Variants in NKAIN2 observed in about 807,000 individuals in gnomAD.
NKAIN2 encodes the protein sodium/potassium transporting ATPase interacting 2.
NKAIN2 carries 14 observed loss-of-function variants against 32.6 expected under a neutral mutation model. The ratio of observed to expected loss-of-function variants is 0.43; its 90% CI spans 0.28 to 0.67. The LOEUF (loss-of-function observed/expected upper bound fraction) is 0.67. NKAIN2 is among the 30% of genes least tolerant of loss of function. The pLI is 0.17. For missense variants in NKAIN2, 198 were observed against 258.3 expected (o/e 0.77, Z 1.60); for synonymous variants, 80 against 87.2 (o/e 0.92, Z 0.46).
chr6:124,795,363 C>A (rs1779952690), intron 5 of NKAIN2, among the ~76,000 whole-genome samples: 1 of 152,122 alleles, frequency 6.6e-6, no homozygotes, highest in Admixed American at 6.5e-5. Context: ...GCAGAAACCT[C>A]CAGGAAGCAA....
chr6:124,815,555 C>T (rs1200589990), intron 5 of NKAIN2, among the ~76,000 whole-genome samples: 1 of 151,914 alleles, frequency 6.6e-6, no homozygotes, highest in Non-Finnish European at 1.5e-5. Flanking sequence ...CAGGCGTGAG[C>T]CACGGCACCC....
chr6:123,958,286 G>A (rs1263148909), intron 1 of NKAIN2, among the ~76,000 whole-genome samples: 1 of 152,142 alleles, frequency 6.6e-6, no homozygotes, highest in Admixed American at 6.6e-5. Flanking sequence ...AAAAGAAACA[G>A]GTTTACCAAA....
At chr6:123,935,111 T>A (rs1776437757) in intron 1 of NKAIN2, among the ~76,000 whole-genome samples, 1 of 147,434 alleles carries the variant, frequency 6.8e-6, no homozygotes, top group African/African-American at 2.5e-5. Context: ...ATATATATAT[T>A]GAAATAAATA....
At chr6:124,521,712 C>A (rs1220459627) in intron 3 of NKAIN2, among the ~76,000 whole-genome samples, 5 of 152,098 alleles carry the variant, frequency 3.3e-5, no homozygotes, top group African/African-American at 1.2e-4. Context: ...ACTCTTATAA[C>A]CCTGAAATCA....
At chr6:124,083,457 A>G (rs1438855132) in intron 1 of NKAIN2, among the ~76,000 whole-genome samples, 2 of 151,874 alleles carry the variant, frequency 1.3e-5, no homozygotes, top group Admixed American at 1.3e-4. Flanking sequence ...TTGTTGCAGG[A>G]TAATAATGGC....
At chr6:124,004,016 C>T (rs1779976663) in intron 1 of NKAIN2, among the ~76,000 whole-genome samples, 1 of 152,182 alleles carries the variant, frequency 6.6e-6, no homozygotes, top group African/African-American at 2.4e-5. Flanking sequence ...TTTTTGTGTG[C>T]ATGTTCCATA....
intron 3 of NKAIN2, among the ~76,000 whole-genome samples, chr6:124,371,837 T>C (rs1213623174): frequency 6.6e-6 from 1 of 152,154 alleles, no homozygotes; most frequent in Non-Finnish European, 1.5e-5. Context: ...TTTCCAAGTT[T>C]ATATCACTTC....
chr6:124,553,559 G>A (rs1182253700), intron 3 of NKAIN2, among the ~76,000 whole-genome samples: 1 of 151,970 alleles, frequency 6.6e-6, no homozygotes, highest in African/African-American at 2.4e-5. Context: ...CACCTGCCTC[G>A]ACCTCCCAAA....
chr6:123,984,639 A>G (rs1779050113), intron 1 of NKAIN2, among the ~76,000 whole-genome samples: 1 of 152,192 alleles, frequency 6.6e-6, no homozygotes, highest in Non-Finnish European at 1.5e-5. Context: ...TATTAAGTTC[A>G]TGATAAGCAA....
intron 4 of NKAIN2, among the ~76,000 whole-genome samples, chr6:124,773,372 CT>C (rs1562375541): frequency 6.6e-6 from 1 of 151,994 alleles, no homozygotes; most frequent in Non-Finnish European, 1.5e-5. Flanking sequence ...ATTTGCATTT[CT>C]TTTTTCCTGC....
intron 3 of NKAIN2, among the ~76,000 whole-genome samples, chr6:124,625,474 T>G (rs1783283719): frequency 6.6e-6 from 1 of 152,152 alleles, no homozygotes; most frequent in African/African-American, 2.4e-5. Flanking sequence ...CATAGTCCTT[T>G]GTTTCATTTT....
intron 1 of NKAIN2, among the ~76,000 whole-genome samples, chr6:124,278,740 T>C (rs1795159512): frequency 7.1e-6 from 1 of 141,192 alleles, no homozygotes; most frequent in Admixed American, 7.3e-5. Context: ...CACAAAGAAT[T>C]AATAAAACCT....
chr6:124,707,794 C>T (rs1418041285), intron 4 of NKAIN2, among the ~76,000 whole-genome samples: 3 of 152,030 alleles, frequency 2.0e-5, no homozygotes, highest in South Asian at 4.2e-4. Flanking sequence ...TGTAGGTTGC[C>T]TGTTCACTCT....
chr6:124,754,381 T>C (rs1777864134), intron 4 of NKAIN2, among the ~76,000 whole-genome samples: 1 of 152,100 alleles, frequency 6.6e-6, no homozygotes, highest in Non-Finnish European at 1.5e-5. Flanking sequence ...TTCTATCTGC[T>C]GGTCGTTGAG....
At chr6:123,900,809 T>A (rs1477362297) in intron 1 of NKAIN2, among the ~76,000 whole-genome samples, 1 of 152,040 alleles carries the variant, frequency 6.6e-6, no homozygotes, top group Non-Finnish European at 1.5e-5. Context: ...CTAAAACAAA[T>A]CTTAATCAGT....
intron 4 of NKAIN2, among the ~76,000 whole-genome samples, chr6:124,769,516 T>C (rs1162316895): frequency 1.3e-5 from 2 of 152,154 alleles, no homozygotes; most frequent in Admixed American, 1.3e-4. Flanking sequence ...CTTTTATTCA[T>C]CTGTAGAGTG....
intron 3 of NKAIN2, among the ~76,000 whole-genome samples, chr6:124,556,197 T>A (rs1277118206): frequency 1.3e-5 from 2 of 152,182 alleles, no homozygotes; most frequent in East Asian, 3.9e-4. Context: ...ACTGTATAAT[T>A]TTTCCTATTT....
At chr6:124,193,268 C>G (rs1790123949) in intron 1 of NKAIN2, among the ~76,000 whole-genome samples, 1 of 152,202 alleles carries the variant, frequency 6.6e-6, no homozygotes, top group Non-Finnish European at 1.5e-5. Flanking sequence ...CAGCCGGGAT[C>G]TCATGCCTGC....
At chr6:124,598,986 T>G (rs943641737) in intron 3 of NKAIN2, among the ~76,000 whole-genome samples, 4 of 151,478 alleles carry the variant, frequency 2.6e-5, no homozygotes, top group Non-Finnish European at 5.9e-5. Flanking sequence ...TTCCAATTCA[T>G]AGACCAGTAA....
Sources: gnomAD v4.1 joint callset for allele counts (sites outside exome capture counted in the v4.1 genomes callset) on GRCh38, gnomAD v4.1.1 for gene constraint, MANE v1.5 for transcripts, NCBI Gene and HGNC (gene_info 2026-07-23, HGNC 2026-07-21) for gene names.